Variants in TACC2 observed in about 807,000 individuals in gnomAD.
TACC2 encodes transforming acidic coiled-coil-containing protein 2.
A neutral mutation model predicts 227.3 loss-of-function variants in TACC2; 137 were observed. The observed-to-expected ratio is 0.60, with a 90% CI of 0.52 to 0.69. The LOEUF (loss-of-function observed/expected upper bound fraction) is 0.69, where lower values mean the gene tolerates loss of function less well. Ranked by LOEUF, TACC2 falls within the 30% of genes least tolerant of loss-of-function variation. The probability of loss-of-function intolerance (pLI) is 0.00; values close to 1 mark genes in which losing one functional copy is unlikely to be tolerated. For missense variants in TACC2, 3,470 were observed against 3,694.4 expected (o/e 0.94, Z 1.57); for synonymous variants, 1,523 against 1,487.5 (o/e 1.02, Z -0.55).
Position 122,073,238 on chromosome 10 carries a change from G to A in TACC2, c.147-9409G>A, listed in dbSNP as rs115384616. ...AGAGGCCATGGCAGGTACTGAGAGA[G>A]TGTCTGTACACAGGGCCTGGGGAGT... On this transcript the variant is annotated intron_variant, in intron 3 of 22. Transcript: ENST00000369005. Among the ~76,000 whole-genome samples the A allele has an allele frequency of 8.3e-3, 1,249 of 151,242 alleles. 25 individuals carry two copies. The highest frequency in any genetic ancestry group is 0.028 in the African/African-American group (1,162 of 41,134).
chr10:122,131,601 C>A (rs1262116831), intron 5 of TACC2, among the ~76,000 whole-genome samples: 2 of 152,210 alleles, frequency 1.3e-5, no homozygotes, highest in Non-Finnish European at 2.9e-5. Flanking sequence ...TGGGGTTTCT[C>A]AACCTTGGCA....
chr10:122,075,602 G>A (rs2078705063), intron 3 of TACC2, among the ~76,000 whole-genome samples: 1 of 152,060 alleles, frequency 6.6e-6, no homozygotes, highest in Non-Finnish European at 1.5e-5. Flanking sequence ...TCTAATTTGA[G>A]GGCCCAGGCA....
intron 17 of TACC2, 73 bp from the exon 18 acceptor site, chr10:122,237,888 T>A: frequency 8.9e-7 from 1 of 1,121,164 alleles, no homozygotes; most frequent in Non-Finnish European, 1.3e-6. Flanking sequence ...TCTCCTTTTC[T>A]TGATCTATGA....
intron 5 of TACC2, among the ~76,000 whole-genome samples, chr10:122,092,113 T>G (rs2080890417): frequency 6.6e-6 from 1 of 152,214 alleles, no homozygotes; most frequent in South Asian, 2.1e-4. Flanking sequence ...TATATCTCTC[T>G]TCAGGGTGGA....
At position 122,085,789 on chromosome 10, in the gene TACC2, C is replaced by T. The variant is rs761583861; in HGVS notation, c.3289C>T (p.Gln1097Ter). The T allele has an allele frequency of 6.2e-7, 1 of 1,613,682 alleles. No individual in the cohort carries two copies. The highest frequency in any genetic ancestry group is 2.2e-5 in the East Asian group (1 of 44,870). The part of the protein sequence containing the change: ...EGRQQPVPAP[Q>*]QKMECWATSD... ...CAGGCAGCAACCAGTGCCGGCCCCG[C>T]AGCAGAAAATGGAGTGCTGGGCCAC... The change falls in exon 4 of 23, where the codon CAG (glutamine) becomes TAG (stop). Residue 1097 changes from glutamine (Q) to a stop codon, truncating the protein, a stop_gained. Coordinates refer to ENST00000369005, the MANE Select transcript of TACC2 (RefSeq NM_206862.4). LOFTEE classifies it high-confidence loss of function.
chr10:122,190,493 C>T (rs570575476), intron 7 of TACC2, among the ~76,000 whole-genome samples: 122 of 152,282 alleles, frequency 8.0e-4, no homozygotes, highest in African/African-American at 2.8e-3. Context: ...TTTTCGTGGC[C>T]AGCACAGTCT....
At chr10:122,139,091 C>T (rs1462753923) in intron 6 of TACC2, among the ~76,000 whole-genome samples, 1 of 152,204 alleles carries the variant, frequency 6.6e-6, no homozygotes, top group East Asian at 1.9e-4. Flanking sequence ...ACCAAAGCCT[C>T]GCCTATGGTT....
chr10:122,107,937 A>G (rs1404823840), intron 5 of TACC2, among the ~76,000 whole-genome samples: 4 of 134,500 alleles, frequency 3.0e-5, no homozygotes, highest in East Asian at 2.2e-4. Flanking sequence ...TGTTGCCCAG[A>G]CTGGAGTGCA....
rs1321184977 is a variant in TACC2 at position 122,230,089 on chromosome 10, T to C, written c.8038-262T>C. 2.6e-5 allele frequency among the ~76,000 whole-genome samples: 4 copies of C among 152,314 alleles called. No individual in the cohort carries two copies. In the East Asian group the frequency reaches 7.7e-4, roughly 29 times the overall value. Reference sequence around the variant, plus strand: ...TGAAAGAAAAGAGAACAGTAAAAATTTTGATCCCATTTTGAAAATCATTTC... The same window carrying C: ...TGAAAGAAAAGAGAACAGTAAAAATCTTGATCCCATTTTGAAAATCATTTC... On this transcript the variant is annotated intron_variant, in intron 15 of 22. Coordinates refer to ENST00000369005, the MANE Select transcript of TACC2 (RefSeq NM_206862.4).
intron 5 of TACC2, among the ~76,000 whole-genome samples, chr10:122,110,311 T>C (rs988618321): frequency 6.6e-6 from 1 of 152,186 alleles, no homozygotes; most frequent in Non-Finnish European, 1.5e-5. Context: ...GTACCATTAC[T>C]GCATTGTTAC....
intron 13 of TACC2, among the ~76,000 whole-genome samples, chr10:122,227,142 T>C (rs2095645580): frequency 2.6e-5 from 4 of 152,216 alleles, no homozygotes; most frequent in Admixed American, 2.0e-4. Context: ...AGAGAGATGC[T>C]GTGTGTAAAG....
intron 5 of TACC2, among the ~76,000 whole-genome samples, chr10:122,103,774 G>T (rs1273092552): frequency 6.6e-6 from 1 of 152,080 alleles, no homozygotes; most frequent in African/African-American, 2.4e-5. Flanking sequence ...TGGCCTGGAG[G>T]CGGGGGTCTT....
chr10:122,133,810 C>T (rs184293301), intron 6 of TACC2, among the ~76,000 whole-genome samples: 19 of 152,326 alleles, frequency 1.2e-4, no homozygotes, highest in African/African-American at 4.6e-4. Context: ...CTAATTCCGT[C>T]TCCTTCACTA....
At chr10:122,237,602 C>A in intron 17 of TACC2, 64 bp downstream of exon 17, 1 of 1,559,224 alleles carries the variant, frequency 6.4e-7, no homozygotes, top group South Asian at 1.2e-5. Flanking sequence ...GCTCGTGGTC[C>A]ACAAAGCCAG....
chr10:122,157,170 A>T (rs1321206616), intron 7 of TACC2, among the ~76,000 whole-genome samples: 1 of 152,158 alleles, frequency 6.6e-6, no homozygotes, highest in Admixed American at 6.5e-5. Flanking sequence ...GGGAGGATCA[A>T]GTCTATACAT....
chr10:122,038,061 T>G (rs929407208), intron 2 of TACC2, among the ~76,000 whole-genome samples: 6 of 152,288 alleles, frequency 3.9e-5, no homozygotes, highest in African/African-American at 1.2e-4. Context: ...AGTTTGAGAC[T>G]AGCCAGTGCA....
Position 122,195,115 on chromosome 10 carries a change from A to ACCCCC in TACC2, c.5912_5913insCCCCC (p.Pro1973HisfsTer60). The ACCCCC allele has an allele frequency of 1.0e-6, 1 of 952,488 alleles. No homozygotes were observed. Among genetic ancestry groups the ACCCCC allele is most frequent in the Non-Finnish European group, 1.5e-6 (1 of 683,566 alleles). The allele number at this position is 952,488 out of a possible 1,614,324, so 59.0% of individuals were successfully genotyped here. A position where few individuals can be genotyped will look rare whatever the true frequency, so the allele number is the denominator to read the frequency against. ...TCAAAGCTCCGCCAGCTCCACCCCC[A>ACCCCC]CCACCCCCCGAAGTCATCCCAGAAC... On this transcript the variant is annotated frameshift_variant, in exon 8 of 23. Coordinates refer to ENST00000369005, the MANE Select transcript of TACC2 (RefSeq NM_206862.4). LOFTEE classifies it high-confidence loss of function.
In TACC2 at chr10:122,084,768, G is replaced by A; in HGVS notation, c.2268G>A (p.Leu756=). The A allele has an allele frequency of 6.2e-7, 1 of 1,613,618 alleles. No individual in the cohort carries two copies. Among genetic ancestry groups the A allele is most frequent in the South Asian group, 1.1e-5 (1 of 91,090 alleles). Reference sequence around the variant, plus strand: ...GCAGCTGTGATGGGGAGGGCTTGCTGACGTCCCCAGATCAACCCCGCGGGC... The same window carrying A: ...GCAGCTGTGATGGGGAGGGCTTGCTAACGTCCCCAGATCAACCCCGCGGGC... ...KMGSCDGEGL[L]TSPDQPRGPA... Residue 756 remains leucine, a synonymous_variant, in exon 4 of 23, where the codon CTG becomes CTA. Transcript: ENST00000369005.
intron 1 of TACC2, among the ~76,000 whole-genome samples, chr10:122,014,684 T>C (rs1253945415): frequency 6.6e-6 from 1 of 152,192 alleles, no homozygotes; most frequent in Non-Finnish European, 1.5e-5. Flanking sequence ...GTTCTCATGT[T>C]TCCATTTCCC....
Sources: gnomAD v4.1 joint callset for allele counts (sites outside exome capture counted in the v4.1 genomes callset) on GRCh38, gnomAD v4.1.1 for gene constraint, MANE v1.5 for transcripts, NCBI Gene and HGNC (gene_info 2026-07-23, HGNC 2026-07-21) for gene names.